The following C1GALT1 variants were observed in gnomAD, a reference collection of about 807,000 sequenced individuals.
C1GALT1 encodes the protein glycoprotein-N-acetylgalactosamine 3-beta-galactosyltransferase 1.
In C1GALT1, 11 loss-of-function variants were observed where a neutral mutation model predicts 31.0. The observed-to-expected ratio is 0.36, with a 90% CI of 0.22 to 0.59. The LOEUF is 0.59. C1GALT1 is among the 20% of genes least tolerant of loss of function. The pLI is 0.79. For missense variants in C1GALT1, 424 were observed against 425.2 expected (o/e 1.00, Z 0.03); for synonymous variants, 175 against 143.6 (o/e 1.22, Z -1.56).
intron 2 of C1GALT1, among the ~76,000 whole-genome samples, chr7:7,171,677 T>C (rs892593349): frequency 3.9e-5 from 6 of 152,134 alleles, no homozygotes; most frequent in African/African-American, 1.4e-4. Flanking sequence ...CATTATTGCC[T>C]TCTTTTATGT....
chr7:7,172,710 A>G (rs1355416660), intron 2 of C1GALT1, among the ~76,000 whole-genome samples: 2 of 152,146 alleles, frequency 1.3e-5, no homozygotes, highest in Non-Finnish European at 2.9e-5. Flanking sequence ...GAGAATTCCC[A>G]TATATTCCTT....
intron 1 of C1GALT1, among the ~76,000 whole-genome samples, chr7:7,225,946 A>G (rs2128244838): frequency 6.6e-6 from 1 of 152,298 alleles, no homozygotes; most frequent in South Asian, 2.1e-4. Flanking sequence ...GTGTGGAAAA[A>G]CTAGTGAACT....
chr7:7,241,717 T>G (rs559330006), intron 3 of C1GALT1, among the ~76,000 whole-genome samples: 1 of 152,150 alleles, frequency 6.6e-6, no homozygotes, highest in Admixed American at 6.5e-5. Flanking sequence ...ATCTTTAAAA[T>G]CTGGCTTTGT....
At chr7:7,228,014 C>G (rs934144079) in intron 1 of C1GALT1, among the ~76,000 whole-genome samples, 1 of 152,128 alleles carries the variant, frequency 6.6e-6, no homozygotes, top group Admixed American at 6.5e-5. Flanking sequence ...ATTCCTGATT[C>G]AGATTGCTAG....
intron 3 of C1GALT1, among the ~76,000 whole-genome samples, chr7:7,242,321 A>C (rs573674292): frequency 1.0e-4 from 15 of 147,586 alleles, no homozygotes; most frequent in Admixed American, 4.8e-4. Flanking sequence ...TATTTTTCCT[A>C]TTTGCTTTTA....
At chr7:7,243,032 A>T (rs1215157025) in intron 3 of C1GALT1, among the ~76,000 whole-genome samples, 1 of 152,088 alleles carries the variant, frequency 6.6e-6, no homozygotes, top group Non-Finnish European at 1.5e-5. Flanking sequence ...CAAATACTGT[A>T]CTGTTTGGGT....
At chr7:7,225,776 A>G (rs17165285) in intron 1 of C1GALT1, among the ~76,000 whole-genome samples, 9,813 of 152,236 alleles carry the variant, frequency 0.064, 373 homozygotes, top group East Asian at 0.16. Context: ...GGACTTTTCA[A>G]TATCTTATTT....
intron 1 of C1GALT1, among the ~76,000 whole-genome samples, chr7:7,204,031 T>A (rs984405053): frequency 1.1e-4 from 17 of 152,044 alleles, no homozygotes; most frequent in African/African-American, 4.1e-4. Flanking sequence ...TGTGTCTTTG[T>A]CTGGCTTTGG....
upstream of C1GALT1, among the ~76,000 whole-genome samples, chr7:7,181,819 C>G (rs1012855220): frequency 2.0e-5 from 3 of 152,276 alleles, no homozygotes; most frequent in African/African-American, 7.2e-5. Context: ...AAGACTAAAC[C>G]TTACCCTCAC....
intron 1 of C1GALT1, among the ~76,000 whole-genome samples, chr7:7,196,405 A>G (rs1327467321): frequency 6.6e-6 from 1 of 152,026 alleles, no homozygotes; most frequent in African/African-American, 2.4e-5. Context: ...ATCCTGTTTT[A>G]TGGCTATATA....
At chr7:7,226,445 A>C (rs534611486) in intron 1 of C1GALT1, among the ~76,000 whole-genome samples, 43 of 152,314 alleles carry the variant, frequency 2.8e-4, no homozygotes, top group African/African-American at 8.2e-4. Context: ...GAAAGGAAGA[A>C]GACGTGCGCT....
intron 3 of C1GALT1, among the ~76,000 whole-genome samples, chr7:7,241,515 C>G (rs1373962508): frequency 6.6e-6 from 1 of 151,962 alleles, no homozygotes; most frequent in African/African-American, 2.4e-5. Flanking sequence ...TGCATACAAA[C>G]TCATTAATTT....
At chr7:7,186,524 G>T (rs1476808434) in intron 1 of C1GALT1, among the ~76,000 whole-genome samples, 1 of 152,196 alleles carries the variant, frequency 6.6e-6, no homozygotes, top group Non-Finnish European at 1.5e-5. Flanking sequence ...CCTTCCAAAT[G>T]ATTCTGATGG....
At chr7:7,213,792 T>A (rs1782112845) in intron 1 of C1GALT1, among the ~76,000 whole-genome samples, 1 of 152,236 alleles carries the variant, frequency 6.6e-6, no homozygotes, top group Admixed American at 6.5e-5. Context: ...TTACAAACCT[T>A]TTATAACCTT....
At chr7:7,165,268 C>T (rs1387545006) in intron 2 of C1GALT1, among the ~76,000 whole-genome samples, 1 of 152,132 alleles carries the variant, frequency 6.6e-6, no homozygotes, top group Non-Finnish European at 1.5e-5. Context: ...AGATATGGAA[C>T]TAAATAAAGC....
intron 2 of C1GALT1, among the ~76,000 whole-genome samples, chr7:7,172,711 T>A (rs115533692): frequency 0.02 from 2,996 of 152,262 alleles, 94 homozygotes; most frequent in African/African-American, 0.068. Flanking sequence ...AGAATTCCCA[T>A]ATATTCCTTA....
At chr7:7,219,640 T>A (rs956835628) in intron 1 of C1GALT1, among the ~76,000 whole-genome samples, 2 of 152,246 alleles carry the variant, frequency 1.3e-5, no homozygotes, top group Non-Finnish European at 2.9e-5. Context: ...CTAAGATTAC[T>A]TTTTGAGAGC....
At chr7:7,225,984 A>G (rs1169347496) in intron 1 of C1GALT1, among the ~76,000 whole-genome samples, 4 of 152,098 alleles carry the variant, frequency 2.6e-5, no homozygotes, top group South Asian at 2.1e-4. Flanking sequence ...GAAAATTCCA[A>G]TTTACCATGT....
chr7:7,214,413 A>C (rs1782138351), intron 1 of C1GALT1, among the ~76,000 whole-genome samples: 1 of 152,174 alleles, frequency 6.6e-6, no homozygotes, highest in Admixed American at 6.5e-5. Context: ...TTTTTCCAGA[A>C]AAACAAGATC....
Sources: gnomAD v4.1 joint callset for allele counts (sites outside exome capture counted in the v4.1 genomes callset) on GRCh38, gnomAD v4.1.1 for gene constraint, MANE v1.5 for transcripts, NCBI Gene and HGNC (gene_info 2026-07-23, HGNC 2026-07-21) for gene names.